The following NRG3 variants were observed in gnomAD, a reference collection of about 807,000 sequenced individuals.
NRG3 encodes neuregulin 3.
NRG3 carries 31 observed loss-of-function variants against 66.9 expected under a neutral mutation model. The ratio of observed to expected loss-of-function variants is 0.46; its 90% CI spans 0.35 to 0.63. The LOEUF is 0.63. Among genes scored for constraint, NRG3 ranks in the 20% least tolerant of loss-of-function variants. The probability of loss-of-function intolerance (pLI) is 0.00; values close to 1 mark genes in which losing one functional copy is unlikely to be tolerated. For synonymous variants in NRG3, 393 were observed against 359.4 expected, an observed-to-expected ratio of 1.09 and a Z score of -1.06; for missense variants, 910 against 878.9, an observed-to-expected ratio of 1.04 and a Z score of -0.45.
At chr10:81,938,643 A>ATGTGTGTGTGTGTGTGT (rs1564674211) in intron 1 of NRG3, among the ~76,000 whole-genome samples, 1 of 145,718 alleles carries the variant, frequency 6.9e-6, no homozygotes, top group African/African-American at 2.6e-5. Context: ...GTGTGTGTGC[A>ATGTGTGTGTGTGTGTGT]TGCATGCATG....
At chr10:82,425,857 GT>G (rs1460227552) in intron 2 of NRG3, among the ~76,000 whole-genome samples, 2 of 152,112 alleles carry the variant, frequency 1.3e-5, no homozygotes, top group East Asian at 3.8e-4. Context: ...TAGCCTTGTA[GT>G]TTTTTGTTCT....
intron 2 of NRG3, among the ~76,000 whole-genome samples, chr10:82,429,784 C>T (rs77690885): frequency 0.011 from 1,614 of 152,210 alleles, 16 homozygotes; most frequent in South Asian, 0.032. Flanking sequence ...GTGTCCCGTA[C>T]GTCTCTGAGT....
At chr10:82,756,820 GTT>G (rs543330930) in intron 3 of NRG3, among the ~76,000 whole-genome samples, 3 of 142,158 alleles carry the variant, frequency 2.1e-5, no homozygotes, top group African/African-American at 2.6e-5. Flanking sequence ...AAGCACTACT[GTT>G]TTTTTTTTTT....
In NRG3 at chr10:82,780,458, C is replaced by T. The variant is rs372526123; in HGVS notation, c.1027+41808C>T. On this transcript the variant is annotated intron_variant, in intron 3 of 8. Coordinates refer to ENST00000372141, the MANE Select transcript of NRG3 (RefSeq NM_001010848.4). ...CTAACATTCTGTCATCTCAGCATTGCGCCTCTTTTTTTTTTTCTTTTCTTT... is the reference window on the plus strand; with the variant it reads ...CTAACATTCTGTCATCTCAGCATTGTGCCTCTTTTTTTTTTTCTTTTCTTT... Among the ~76,000 whole-genome samples, 59 of 148,534 alleles carry T rather than the reference C, an allele frequency of 4.0e-4. 1 individual carries two copies. The highest frequency in any genetic ancestry group is 2.7e-4 in the African/African-American group (11 of 40,496).
chr10:82,837,621 G>A (rs1314705409), intron 3 of NRG3, among the ~76,000 whole-genome samples: 1 of 152,168 alleles, frequency 6.6e-6, no homozygotes, highest in East Asian at 1.9e-4. Context: ...GTGTGCAAAA[G>A]CAGTGTGGAT....
At chr10:81,899,383 A>G (rs1352828055) in intron 1 of NRG3, among the ~76,000 whole-genome samples, 4 of 152,216 alleles carry the variant, frequency 2.6e-5, no homozygotes, top group East Asian at 1.9e-4. Flanking sequence ...AGATAGTTTC[A>G]TTATTTATGC....
intron 1 of NRG3, among the ~76,000 whole-genome samples, chr10:82,036,728 T>C (rs2062808088): frequency 6.6e-6 from 1 of 152,134 alleles, no homozygotes; most frequent in African/African-American, 2.4e-5. Flanking sequence ...TGACTGAAAC[T>C]CTATACCCAT....
chr10:82,921,639 G>A (rs1345763355), intron 4 of NRG3, among the ~76,000 whole-genome samples: 4 of 152,108 alleles, frequency 2.6e-5, no homozygotes, highest in Non-Finnish European at 5.9e-5. Flanking sequence ...GAGAAAACAT[G>A]TAAACCATTA....
chr10:82,024,501 T>G (rs938937972), intron 1 of NRG3, among the ~76,000 whole-genome samples: 1 of 152,072 alleles, frequency 6.6e-6, no homozygotes, highest in African/African-American at 2.4e-5. Flanking sequence ...AGTTTACATG[T>G]GGTTTTCATT....
chr10:82,182,801 T>G (rs2133243505), intron 1 of NRG3, among the ~76,000 whole-genome samples: 1 of 152,162 alleles, frequency 6.6e-6, no homozygotes, highest in Non-Finnish European at 1.5e-5. Flanking sequence ...ATTAGCATTT[T>G]TTTGTAGGGC....
chr10:82,486,968 A>G (rs900953562), intron 2 of NRG3, among the ~76,000 whole-genome samples: 3 of 151,936 alleles, frequency 2.0e-5, no homozygotes, highest in African/African-American at 4.8e-5. Flanking sequence ...TTGTAAAGTT[A>G]TAAAGATCTT....
At chr10:82,984,199 C>T (rs554492380) in intron 8 of NRG3, among the ~76,000 whole-genome samples, 6 of 152,170 alleles carry the variant, frequency 3.9e-5, no homozygotes, top group Admixed American at 2.6e-4. Flanking sequence ...AAATCTGCTG[C>T]GTACCTGTCC....
intron 1 of NRG3, among the ~76,000 whole-genome samples, chr10:82,221,599 A>G (rs1181591444): frequency 6.6e-6 from 1 of 152,230 alleles, no homozygotes; most frequent in Non-Finnish European, 1.5e-5. Flanking sequence ...AACCTAATGC[A>G]CAACAGGGTT....
chr10:82,398,595 CTTTT>C (rs1411397946), intron 2 of NRG3, among the ~76,000 whole-genome samples: 1 of 151,222 alleles, frequency 6.6e-6, no homozygotes, highest in African/African-American at 2.4e-5. Context: ...TTAACAAGTT[CTTTT>C]GTTTCCCCAG....
intron 2 of NRG3, among the ~76,000 whole-genome samples, chr10:82,588,949 G>C (rs531070081): frequency 6.6e-6 from 1 of 152,158 alleles, no homozygotes; most frequent in South Asian, 2.1e-4. Flanking sequence ...CATTCAGGCT[G>C]TCTCATATTT....
At chr10:82,813,889 G>A (rs1227180290) in intron 3 of NRG3, among the ~76,000 whole-genome samples, 5 of 152,178 alleles carry the variant, frequency 3.3e-5, no homozygotes, top group South Asian at 2.1e-4. Flanking sequence ...GACTTGGAAC[G>A]TGTGTACACA....
chr10:82,536,403 C>T (rs1847816876), intron 2 of NRG3, among the ~76,000 whole-genome samples: 1 of 152,140 alleles, frequency 6.6e-6, no homozygotes, highest in Non-Finnish European at 1.5e-5. Context: ...ATTTGTTTTA[C>T]TCGCATAGAG....
chr10:82,359,683 TG>T (rs1438149073), intron 2 of NRG3, among the ~76,000 whole-genome samples: 1 of 152,210 alleles, frequency 6.6e-6, no homozygotes, highest in East Asian at 1.9e-4. Context: ...TTTGCAATTG[TG>T]TATGCATCAG....
chr10:82,331,306 A>T (rs544639692), intron 1 of NRG3, among the ~76,000 whole-genome samples: 2 of 152,270 alleles, frequency 1.3e-5, no homozygotes, highest in Non-Finnish European at 2.9e-5. Context: ...ATAAAAAGGG[A>T]CCATTTCCAT....
Sources: allele counts gnomAD v4.1 joint callset (sites outside exome capture counted in the v4.1 genomes callset), GRCh38; gene constraint gnomAD v4.1.1; transcripts MANE v1.5; gene names NCBI Gene and HGNC (gene_info 2026-07-23, HGNC 2026-07-21).